Variants in ASIC2 observed in about 807,000 individuals in gnomAD.
The protein encoded by ASIC2 is acid-sensing ion channel 2.
In ASIC2, 25 loss-of-function variants were observed where a neutral mutation model predicts 57.3. That is an observed-to-expected ratio of 0.44 (90% confidence interval 0.32 to 0.61). The LOEUF is 0.61. Among genes scored for constraint, ASIC2 ranks in the 20% least tolerant of loss-of-function variants. The pLI, the probability that ASIC2 is intolerant of heterozygous loss-of-function variation, is 0.06. For synonymous variants in ASIC2, 319 were observed against 307.5 expected, an observed-to-expected ratio of 1.04 and a Z score of -0.39; for missense variants, 641 against 738.1, an observed-to-expected ratio of 0.87 and a Z score of 1.52.
At chr17:33,809,604 C>T (rs534413320) in intron 1 of ASIC2, among the ~76,000 whole-genome samples, 6 of 152,290 alleles carry the variant, frequency 3.9e-5, no homozygotes, top group Admixed American at 1.3e-4. Flanking sequence ...ACATGGAACT[C>T]GTGAGTTGAT....
chr17:33,508,654 C>A (rs1021137789), intron 1 of ASIC2, among the ~76,000 whole-genome samples: 2 of 152,122 alleles, frequency 1.3e-5, no homozygotes, highest in Non-Finnish European at 2.9e-5. Flanking sequence ...ACACAGCACA[C>A]CTAAAAGTGG....
chr17:34,007,717 C>T (rs1333294617), intron 1 of ASIC2, among the ~76,000 whole-genome samples: 1 of 152,226 alleles, frequency 6.6e-6, no homozygotes, highest in African/African-American at 2.4e-5. Flanking sequence ...AAACTGCATC[C>T]TGCCTCCTTC....
chr17:33,167,854 A>G (rs1433517078), intron 1 of ASIC2, among the ~76,000 whole-genome samples: 1 of 152,176 alleles, frequency 6.6e-6, no homozygotes, highest in East Asian at 1.9e-4. Flanking sequence ...ACCATTTCCT[A>G]TAGGAAGTCA....
chr17:34,067,249 G>C (rs1567807138), intron 1 of ASIC2, among the ~76,000 whole-genome samples: 1 of 152,186 alleles, frequency 6.6e-6, no homozygotes, highest in African/African-American at 2.4e-5. Context: ...GTAGTGGTAA[G>C]TGTTTACACA....
chr17:33,502,013 G>A (rs1450839423), intron 1 of ASIC2, among the ~76,000 whole-genome samples: 2 of 152,114 alleles, frequency 1.3e-5, no homozygotes, highest in East Asian at 3.9e-4. Context: ...GTTTGCAGAC[G>A]CATAAGAGTG....
chr17:33,098,484 GA>G (rs981719064), intron 2 of ASIC2, among the ~76,000 whole-genome samples: 2 of 151,942 alleles, frequency 1.3e-5, no homozygotes, highest in Non-Finnish European at 2.9e-5. Context: ...TCTGGAGGAA[GA>G]AAAAAAATCA....
chr17:33,657,932 C>G (rs887914820), intron 1 of ASIC2, among the ~76,000 whole-genome samples: 1 of 152,132 alleles, frequency 6.6e-6, no homozygotes, highest in African/African-American at 2.4e-5. Flanking sequence ...GTGGGCTTGG[C>G]TGTCTTCTTC....
At chr17:33,161,857 GTTTTTTTTTT>G (rs199823485) in intron 1 of ASIC2, among the ~76,000 whole-genome samples, 2 of 94,226 alleles carry the variant, frequency 2.1e-5, no homozygotes, top group African/African-American at 4.1e-5. Flanking sequence ...GAATTCCTAG[GTTTTTTTTTT>G]TTTTTTTTTT....
At chr17:33,360,369 C>T (rs1908550645) in intron 1 of ASIC2, among the ~76,000 whole-genome samples, 1 of 152,110 alleles carries the variant, frequency 6.6e-6, no homozygotes, top group South Asian at 2.1e-4. Context: ...CTGGACCTGC[C>T]TTGTTGGGAG....
intron 1 of ASIC2, among the ~76,000 whole-genome samples, chr17:33,594,997 G>A (rs965491008): frequency 1.3e-5 from 2 of 152,024 alleles, no homozygotes; most frequent in Admixed American, 1.3e-4. Context: ...CAGGTGGGAT[G>A]ATCACTTGAG....
chr17:33,328,442 TTC>T (rs1907166662), intron 1 of ASIC2, among the ~76,000 whole-genome samples: 1 of 152,152 alleles, frequency 6.6e-6, no homozygotes, highest in Non-Finnish European at 1.5e-5. Flanking sequence ...CACTTCCTCC[TTC>T]TCTCTCTAAA....
chr17:33,578,461 T>TA (rs1231763633), intron 1 of ASIC2, among the ~76,000 whole-genome samples: 3 of 152,152 alleles, frequency 2.0e-5, no homozygotes, highest in African/African-American at 7.2e-5. Context: ...TTAGTATGAA[T>TA]AAAGACTGAA....
intron 1 of ASIC2, among the ~76,000 whole-genome samples, chr17:33,649,993 T>G (rs1285318957): frequency 6.6e-6 from 1 of 152,176 alleles, no homozygotes; most frequent in East Asian, 1.9e-4. Context: ...AAATTGAATT[T>G]CATCAAAATT....
intron 1 of ASIC2, among the ~76,000 whole-genome samples, chr17:33,409,232 A>G (rs1046371645): frequency 7.9e-5 from 12 of 152,146 alleles, no homozygotes; most frequent in Non-Finnish European, 1.8e-4. Flanking sequence ...ATTTTTTTAA[A>G]AAAAAGTTCC....
intron 1 of ASIC2, among the ~76,000 whole-genome samples, chr17:33,714,985 T>TTTTTTATTATTATTATTATTATTATTA (rs377651164): frequency 1.4e-4 from 20 of 142,214 alleles, no homozygotes; most frequent in African/African-American, 5.3e-4. Flanking sequence ...GCCAGGCTAA[T>TTTTTTATTATTATTATTATTATTATTA]TTATTATTAT....
intron 1 of ASIC2, among the ~76,000 whole-genome samples, chr17:33,716,527 C>T (rs1179019950): frequency 2.6e-5 from 4 of 152,202 alleles, no homozygotes; most frequent in East Asian, 1.9e-4. Flanking sequence ...AATTACTTAT[C>T]GTTGGACTTG....
At chr17:33,119,755 T>C (rs1488487777) in intron 1 of ASIC2, among the ~76,000 whole-genome samples, 1 of 152,232 alleles carries the variant, frequency 6.6e-6, no homozygotes, top group African/African-American at 2.4e-5. Flanking sequence ...TAAACACTCA[T>C]GTAAGCATCT....
chr17:33,394,827 T>C (rs150043855), intron 1 of ASIC2, among the ~76,000 whole-genome samples: 8 of 152,258 alleles, frequency 5.3e-5, no homozygotes, highest in African/African-American at 1.9e-4. Flanking sequence ...TTTTGAATCA[T>C]ATATACAAAA....
At position 34,102,325 on chromosome 17, in the gene ASIC2, G is replaced by C. The variant is rs7224222; in HGVS notation, c.555+53653C>G. 5.9e-5 allele frequency among the ~76,000 whole-genome samples: 9 copies of C among 151,638 alleles called. No individual in the cohort carries two copies. In the South Asian group the frequency reaches 1.9e-3, roughly 32 times the overall value. On this transcript the variant is annotated intron_variant, in intron 1 of 9. Transcript: ENST00000359872. ...AGCCTAGGTGACAGAGTGAGACTCC[G>C]TCTAAAAAATAAATAAATAAATAAA... is the stretch of plus-strand genomic sequence containing the variant.
Sources: gnomAD v4.1 joint callset for allele counts (sites outside exome capture counted in the v4.1 genomes callset) on GRCh38, gnomAD v4.1.1 for gene constraint, MANE v1.5 for transcripts, NCBI Gene and HGNC (gene_info 2026-07-23, HGNC 2026-07-21) for gene names.